The following ARHGAP12 variants were observed in gnomAD, a reference collection of about 807,000 sequenced individuals.
ARHGAP12 encodes the protein rho GTPase-activating protein 12.
A neutral mutation model predicts 108.6 loss-of-function variants in ARHGAP12; 64 were observed. That is an observed-to-expected ratio of 0.59 (90% CI 0.48 to 0.73). ARHGAP12 has a LOEUF of 0.73. ARHGAP12 is among the 30% of genes least tolerant of loss of function. ARHGAP12 has a pLI of 0.00. For synonymous variants in ARHGAP12, 312 were observed against 337.2 expected, an observed-to-expected ratio of 0.93 and a Z score of 0.82; for missense variants, 940 against 1,005.9, an observed-to-expected ratio of 0.93 and a Z score of 0.89.
intron 1 of ARHGAP12, among the ~76,000 whole-genome samples, chr10:31,922,956 C>T (rs1282251285): frequency 4.6e-5 from 7 of 151,904 alleles, no homozygotes; most frequent in Admixed American, 2.6e-4. Flanking sequence ...AGCACGAACC[C>T]GTCTCTACAA....
intron 3 of ARHGAP12, among the ~76,000 whole-genome samples, chr10:31,880,176 G>C (rs929310536): frequency 2.0e-5 from 3 of 152,058 alleles, no homozygotes; most frequent in African/African-American, 7.2e-5. Flanking sequence ...CACAGTTTTT[G>C]CCTTCTTTAT....
intron 6 of ARHGAP12, among the ~76,000 whole-genome samples, chr10:31,845,757 C>A (rs1564386035): frequency 3.3e-5 from 5 of 152,030 alleles, no homozygotes. Flanking sequence ...TGCACTCCAG[C>A]TTGGGCGACA....
At chr10:31,850,133 T>C (rs769430344) in intron 6 of ARHGAP12, among the ~76,000 whole-genome samples, 4 of 152,206 alleles carry the variant, frequency 2.6e-5, no homozygotes. Flanking sequence ...ATACAGCAGA[T>C]GATTCCTCCA....
intron 3 of ARHGAP12, among the ~76,000 whole-genome samples, chr10:31,878,797 C>T (rs1837830990): frequency 6.6e-6 from 1 of 152,186 alleles, no homozygotes; most frequent in African/African-American, 2.4e-5. Flanking sequence ...TGTTACTGGG[C>T]TCTTTACAGA....
At chr10:31,837,478 T>TTA (rs1216003865) in intron 9 of ARHGAP12, among the ~76,000 whole-genome samples, 1 of 152,236 alleles carries the variant, frequency 6.6e-6, no homozygotes, top group Non-Finnish European at 1.5e-5. Context: ...TAACTTGCAC[T>TTA]TATTCAATGC....
At position 31,826,293 on chromosome 10, in the gene ARHGAP12, G is replaced by A. The variant is rs761019070; in HGVS notation, c.1530+11C>T. ...AAATGTATAAAATCTCCAAAGAGAAGAAATACTTACCCAACTTGTGCTACT... is the reference window on the plus strand; with the variant it reads ...AAATGTATAAAATCTCCAAAGAGAAAAAATACTTACCCAACTTGTGCTACT... On this transcript the variant is annotated intron_variant, in intron 11 of 19. Transcript: ENST00000344936. 4 of 1,597,642 alleles carry A rather than the reference G, an allele frequency of 2.5e-6. No individual in the cohort carries two copies.
chr10:31,893,953 C>T (rs1027353285), intron 3 of ARHGAP12, among the ~76,000 whole-genome samples: 2 of 152,236 alleles, frequency 1.3e-5, no homozygotes, highest in African/African-American at 4.8e-5. Context: ...ATACACAAAT[C>T]AGTAAACGTA....
chr10:31,841,756 A>C (rs1836278204), intron 7 of ARHGAP12, among the ~76,000 whole-genome samples: 1 of 152,166 alleles, frequency 6.6e-6, no homozygotes, highest in African/African-American at 2.4e-5. Flanking sequence ...GTTTACTGGG[A>C]TATAACCTCA....
intron 6 of ARHGAP12, among the ~76,000 whole-genome samples, chr10:31,851,011 T>G (rs1836658347): frequency 6.6e-6 from 1 of 152,178 alleles, no homozygotes. Flanking sequence ...ACTTTTTATT[T>G]GGATCTTTTT....
At chr10:31,860,674 TGACA>T (rs2132305385) in intron 4 of ARHGAP12, among the ~76,000 whole-genome samples, 1 of 152,300 alleles carries the variant, frequency 6.6e-6, no homozygotes, top group East Asian at 1.9e-4. Context: ...TACCGCTGAC[TGACA>T]AAGAGAAAAA....
chr10:31,835,154 C>T (rs560243968), intron 9 of ARHGAP12, among the ~76,000 whole-genome samples: 9 of 150,708 alleles, frequency 6.0e-5, no homozygotes, highest in East Asian at 2.0e-4. Flanking sequence ...GCCGAGATCG[C>T]GCCACTGCAC....
chr10:31,924,640 T>C (rs1839955144), intron 1 of ARHGAP12, among the ~76,000 whole-genome samples: 1 of 152,152 alleles, frequency 6.6e-6, no homozygotes, highest in South Asian at 2.1e-4. Context: ...AATTTAAAAA[T>C]ATATATTATG....
chr10:31,868,855 G>A (rs1395415999), intron 3 of ARHGAP12, among the ~76,000 whole-genome samples: 2 of 151,972 alleles, frequency 1.3e-5, no homozygotes, highest in Non-Finnish European at 2.9e-5. Context: ...CTTGAGCCCA[G>A]GAGGTCAAGG....
intron 3 of ARHGAP12, among the ~76,000 whole-genome samples, chr10:31,896,301 T>A (rs1838690381): frequency 6.8e-6 from 1 of 146,564 alleles, no homozygotes; most frequent in Non-Finnish European, 1.5e-5. Flanking sequence ...TAAACTTTTT[T>A]TACTTTGAAA....
At position 31,812,692 on chromosome 10, in the gene ARHGAP12, ACTT is replaced by A. The variant is rs1835064808; in HGVS notation, c.1951+12_1951+14del. 1 of 1,502,368 alleles carries A rather than the reference ACTT, an allele frequency of 6.7e-7. No homozygotes were observed. Among genetic ancestry groups the A allele is most frequent in the African/African-American group, 1.4e-5 (1 of 71,764 alleles). The allele number at this position is 1,502,368 out of a possible 1,614,324, so 93.1% of individuals were successfully genotyped here. A position where few individuals can be genotyped will look rare whatever the true frequency, so the allele number is the denominator to read the frequency against. On this transcript the variant is annotated intron_variant, in intron 15 of 19. Coordinates refer to ENST00000344936, the MANE Select transcript of ARHGAP12 (RefSeq NM_018287.7). ...GCCAACATTCATTATTATCAACAATACTTCTCCTACCAACCTTTAATATAACCT... is the reference window on the plus strand; with the variant it reads ...GCCAACATTCATTATTATCAACAATACTCCTACCAACCTTTAATATAACCT...
intron 9 of ARHGAP12, 28 bp downstream of exon 9, chr10:31,839,277 T>A: frequency 6.2e-7 from 1 of 1,601,152 alleles, no homozygotes; most frequent in South Asian, 1.1e-5. Context: ...TGTCTATGCC[T>A]ATTAAGAAGG....
chr10:31,891,439 C>G (rs1279424215), intron 3 of ARHGAP12, among the ~76,000 whole-genome samples: 1 of 152,198 alleles, frequency 6.6e-6, no homozygotes, highest in African/African-American at 2.4e-5. Flanking sequence ...AGAGTTTCTG[C>G]TAAGAGATCC....
chr10:31,811,728 G>A lies in ARHGAP12; in HGVS notation c.1951+979C>T, dbSNP rs181900247. ...CTGTCACCCAGGCTGGAGGACAGTG[G>A]TGCAATCATAGCTGCACTGCAGCCT... On this transcript the variant is annotated intron_variant, in intron 15 of 19. Coordinates refer to ENST00000344936, the MANE Select transcript of ARHGAP12 (RefSeq NM_018287.7). 5.9e-5 allele frequency among the ~76,000 whole-genome samples: 9 copies of A among 151,866 alleles called. No individual in the cohort carries two copies. The East Asian group carries it at 1.7e-3, about 29-fold the overall frequency.
chr10:31,819,411 C>T (rs768272539), intron 12 of ARHGAP12, among the ~76,000 whole-genome samples: 2 of 152,150 alleles, frequency 1.3e-5, no homozygotes, highest in African/African-American at 2.4e-5. Flanking sequence ...TCCACAAAAT[C>T]AGTCTTGGAT....
Sources: allele counts gnomAD v4.1 joint callset (sites outside exome capture counted in the v4.1 genomes callset), GRCh38; gene constraint gnomAD v4.1.1; transcripts MANE v1.5; gene names NCBI Gene and HGNC (gene_info 2026-07-23, HGNC 2026-07-21).